Variants in LIPI observed in about 807,000 individuals in gnomAD.
LIPI encodes the protein lipase I, also known as lipase member I.
A neutral mutation model predicts 50.6 loss-of-function variants in LIPI; 59 were observed. That is an observed-to-expected ratio of 1.16 (90% CI 0.94 to 1.45). The LOEUF is 1.45. Among genes scored for constraint, LIPI ranks in the 40% most tolerant of loss-of-function variants. The pLI is 0.00. For missense variants in LIPI, 586 were observed against 536.3 expected, an observed-to-expected ratio of 1.09 and a Z score of -0.92; for synonymous variants, 203 against 178.2, an observed-to-expected ratio of 1.14 and a Z score of -1.11.
intron 2 of LIPI, 118 bp downstream of exon 2, chr21:14,188,916 T>C (rs2019548538): frequency 2.2e-6 from 2 of 890,738 alleles, no homozygotes; most frequent in Non-Finnish European, 3.6e-6. Flanking sequence ...TTAATGCTTA[T>C]GGGGAAAAGT....
chr21:14,120,287 C>A (rs918650000), intron 9 of LIPI, among the ~76,000 whole-genome samples: 4 of 152,160 alleles, frequency 2.6e-5, no homozygotes, highest in Non-Finnish European at 5.9e-5. Flanking sequence ...CGCCCCCTAG[C>A]GGTAGGAACC....
chr21:14,112,729 T>C (rs1440739048), intron 9 of LIPI, among the ~76,000 whole-genome samples: 1 of 152,140 alleles, frequency 6.6e-6, no homozygotes, highest in East Asian at 1.9e-4. Flanking sequence ...ATCATACTCT[T>C]ATAAGACATC....
chr21:14,144,472 CTTTT>C lies in LIPI; in HGVS notation c.1295+147_1295+150del, dbSNP rs2017828082. On this transcript the variant is annotated intron_variant, in intron 9 of 9. Transcript: ENST00000681601. ...ATTAAAGCCAAAAAAACCTTTATAC[CTTTT>C]TGAGATTCTAATATTTATGTAAAAT... The C allele has an allele frequency of 6.4e-6, 3 of 467,872 alleles. No individual in the cohort carries two copies. The East Asian group carries it at 9.7e-5, about 15-fold the overall frequency. The allele number at this position is 467,872 out of a possible 1,614,324, so 29.0% of individuals were successfully genotyped here.
intron 9 of LIPI, among the ~76,000 whole-genome samples, chr21:14,120,699 G>C (rs1379007638): frequency 6.6e-6 from 1 of 152,224 alleles, no homozygotes; most frequent in Non-Finnish European, 1.5e-5. Context: ...CAGTGAGAAG[G>C]TGTGGTTCAC....
At chr21:14,135,863 C>G (rs1291003861) in intron 9 of LIPI, among the ~76,000 whole-genome samples, 1 of 152,120 alleles carries the variant, frequency 6.6e-6, no homozygotes, top group Non-Finnish European at 1.5e-5. Context: ...CCTTCCCTAA[C>G]CTCAGGCTGC....
chr21:14,121,185 A>C lies in LIPI; in HGVS notation c.1296-12105T>G, dbSNP rs17468390. On this transcript the variant is annotated intron_variant, in intron 9 of 9. Coordinates refer to ENST00000681601, the MANE Select transcript of LIPI (RefSeq NM_001302998.2). ...GCCTCTACCTTTAGGCTCGGACAAC[A>C]GACCAGCTTTTGTAGCAGAAGTAGT... Among the ~76,000 whole-genome samples, 1,253 of 152,326 alleles carry C rather than the reference A, an allele frequency of 8.2e-3. 21 individuals carry two copies. Among genetic ancestry groups the C allele is most frequent in the African/African-American group, 0.028 (1,158 of 41,574 alleles).
chr21:14,191,785 T>C lies in LIPI; in HGVS notation c.47-2366A>G, dbSNP rs147380811. 4.8e-3 allele frequency among the ~76,000 whole-genome samples: 724 copies of C among 152,282 alleles called. 1 individual carries two copies. The highest frequency in any genetic ancestry group is 6.3e-3 in the Admixed American group (96 of 15,284). On this transcript the variant is annotated intron_variant, in intron 1 of 9. Transcript: ENST00000681601. The stretch of plus-strand genomic sequence containing the variant: ...GAAAATAGAACCTTAGGAAACTTAA[T>C]GCAAGCAGAGGCTTAAAATCAGCTT...
intron 7 of LIPI, among the ~76,000 whole-genome samples, chr21:14,161,178 C>T (rs550572534): frequency 2.0e-5 from 3 of 151,082 alleles, no homozygotes; most frequent in African/African-American, 7.2e-5. Flanking sequence ...TATATTCAAG[C>T]AGCTTTATTT....
intron 9 of LIPI, among the ~76,000 whole-genome samples, chr21:14,133,409 T>A (rs2017371196): frequency 6.6e-6 from 1 of 152,168 alleles, no homozygotes; most frequent in Non-Finnish European, 1.5e-5. Context: ...GAAAAAGCAT[T>A]TGATAAAATT....
At chr21:14,143,360 A>G (rs988325984) in intron 9 of LIPI, 1 of 152,206 alleles carries the variant, frequency 6.6e-6, no homozygotes, top group Non-Finnish European at 1.5e-5. Flanking sequence ...TTTTGCCATT[A>G]TAGCAACATC....
chr21:14,152,068 TTATTTTATTTATTTA>T (rs879364648), intron 8 of LIPI, among the ~76,000 whole-genome samples: 1,523 of 145,038 alleles, frequency 0.011, 11 homozygotes, highest in Middle Eastern at 0.042. Context: ...ACTCTTTAAC[TTATTTTATTTATTTA>T]TTTATTTATT....
chr21:14,184,949 C>G (rs1293743382), intron 3 of LIPI, among the ~76,000 whole-genome samples: 1 of 152,120 alleles, frequency 6.6e-6, no homozygotes, highest in Non-Finnish European at 1.5e-5. Flanking sequence ...TTATTCACCT[C>G]TTTCCCCCTT....
At chr21:14,158,016 A>T (rs1482690731) in intron 7 of LIPI, among the ~76,000 whole-genome samples, 1 of 151,810 alleles carries the variant, frequency 6.6e-6, no homozygotes, top group Non-Finnish European at 1.5e-5. Flanking sequence ...GATTTAGATG[A>T]ATTAGGCAAC....
At chr21:14,190,912 C>T (rs1004063182) in intron 1 of LIPI, among the ~76,000 whole-genome samples, 1 of 151,884 alleles carries the variant, frequency 6.6e-6, no homozygotes, top group Non-Finnish European at 1.5e-5. Context: ...TTTACCTGGC[C>T]CTAGAATAAG....
At chr21:14,160,774 A>T (rs965648163) in intron 7 of LIPI, among the ~76,000 whole-genome samples, 2 of 151,402 alleles carry the variant, frequency 1.3e-5, no homozygotes, top group African/African-American at 4.8e-5. Context: ...GAAATTATAT[A>T]AAGAATTATC....
In LIPI at chr21:14,168,569, G is replaced by T. The variant is rs932180363; in HGVS notation, c.644-2118C>A. On this transcript the variant is annotated intron_variant, in intron 4 of 9. Transcript: ENST00000681601. ...AGTGGGGGCCGATATTCAACATTCT[G>T]AAAGGAAAGAATTGTCAACCCAGAA... 3.7e-3 allele frequency among the ~76,000 whole-genome samples: 558 copies of T among 152,294 alleles called. 4 individuals carry two copies. Among genetic ancestry groups the T allele is most frequent in the African/African-American group, 0.013 (529 of 41,570 alleles).
At position 14,163,523 on chromosome 21, in the gene LIPI, C is replaced by A; in HGVS notation, c.902G>T (p.Gly301Val). 6.9e-7 allele frequency: 1 copy of A among 1,444,414 alleles called. No individual in the cohort carries two copies. The highest frequency in any genetic ancestry group is 2.3e-5 in the East Asian group (1 of 43,980). The allele number at this position is 1,444,414 out of a possible 1,614,324, so 89.5% of individuals were successfully genotyped here. Residue 301 changes from glycine to valine, a missense_variant and splice_region_variant, in exon 7 of 10, where the codon GGT (glycine) becomes GTT (valine). By Grantham distance (109) the Gly-to-Val change is moderately radical. Transcript: ENST00000681601. ...CFKEKSCPRL[G>V]YQAKLFKGVL... ...ACCTTTAAATAGCTTGGCTTGATAA[C>A]CTGAGATTTGAGAAATAGAACATTA...
At chr21:14,169,279 T>C (rs143399532) in intron 4 of LIPI, among the ~76,000 whole-genome samples, 20,907 of 151,484 alleles carry the variant, frequency 0.14, 1,873 homozygotes, top group Non-Finnish European at 0.2. Context: ...CTTTAACACC[T>C]CACTGTCAAC....
At chr21:14,182,761 C>A (rs2123248984) in intron 3 of LIPI, among the ~76,000 whole-genome samples, 1 of 151,410 alleles carries the variant, frequency 6.6e-6, no homozygotes, top group South Asian at 2.1e-4. Flanking sequence ...GAATAAAATA[C>A]CTAGGAATCC....
Sources: allele counts gnomAD v4.1 joint callset (sites outside exome capture counted in the v4.1 genomes callset), GRCh38; gene constraint gnomAD v4.1.1; transcripts MANE v1.5; gene names NCBI Gene and HGNC (gene_info 2026-07-23, HGNC 2026-07-21).